Variants in TRMT11 observed in about 807,000 individuals in gnomAD.
The protein encoded by TRMT11 is tRNA (guanine(10)-N(2))-methyltransferase TRMT11.
In TRMT11, 53 loss-of-function variants were observed where a neutral mutation model predicts 62.8. The ratio of observed to expected loss-of-function variants is 0.84; its 90% CI spans 0.68 to 1.06. TRMT11 has a LOEUF of 1.06. Ranked by LOEUF, TRMT11 falls within the 50% of genes least tolerant of loss-of-function variation. The pLI, the probability that TRMT11 is intolerant of heterozygous loss-of-function variation, is 0.00. For missense variants in TRMT11, 556 were observed against 553.4 expected (o/e 1.00, Z -0.05); for synonymous variants, 188 against 190.3 (o/e 0.99, Z 0.10).
chr6:126,039,026 C>T lies in TRMT11; in HGVS notation c.*190C>T, dbSNP rs1309774486. ...ATAGACTTTTTTGTTGTATGTATTACAGTCTTTATAATCTTATTTAATGTA... is the reference window on the plus strand; with the variant it reads ...ATAGACTTTTTTGTTGTATGTATTATAGTCTTTATAATCTTATTTAATGTA... On this transcript the variant is annotated 3_prime_UTR_variant, in exon 13 of 13. Transcript: ENST00000334379. 1.1e-5 allele frequency: 5 copies of T among 473,408 alleles called. No homozygotes were observed. Among genetic ancestry groups the T allele is most frequent in the South Asian group, 3.5e-5 (1 of 28,552 alleles). The allele number at this position is 473,408 out of a possible 1,614,324, so 29.3% of individuals were successfully genotyped here.
intron 17 of TRMT11, among the ~76,000 whole-genome samples, chr6:126,075,037 T>G (rs1228977130): frequency 6.6e-6 from 1 of 152,208 alleles, no homozygotes; most frequent in Non-Finnish European, 1.5e-5. Context: ...AAAAATCATT[T>G]TAACATAAGC....
intron 17 of TRMT11, among the ~76,000 whole-genome samples, chr6:126,108,038 C>T (rs1349659891): frequency 1.3e-5 from 2 of 152,148 alleles, no homozygotes; most frequent in Non-Finnish European, 2.9e-5. Flanking sequence ...ATCTCGTGAG[C>T]AGGAAATGAG....
intron 21 of TRMT11, among the ~76,000 whole-genome samples, chr6:126,161,560 A>C (rs9372834): frequency 0.25 from 38,144 of 152,064 alleles, 5,068 homozygotes; most frequent in African/African-American, 0.31. Flanking sequence ...ATGTGTCTTT[A>C]TATTAGAATG....
At chr6:126,054,690 G>A (rs1469428710) in intron 17 of TRMT11, among the ~76,000 whole-genome samples, 1 of 152,232 alleles carries the variant, frequency 6.6e-6, no homozygotes, top group East Asian at 1.9e-4. Context: ...CAAATGAGCT[G>A]TTGAAGTGTC....
intron 16 of TRMT11, among the ~76,000 whole-genome samples, chr6:126,048,682 T>C (rs886290410): frequency 1.3e-5 from 2 of 152,198 alleles, no homozygotes; most frequent in Non-Finnish European, 2.9e-5. Flanking sequence ...AAGTACTTGA[T>C]GTTTCTGATG....
downstream of TRMT11, among the ~76,000 whole-genome samples, chr6:126,206,009 A>C (rs1346922363): frequency 2.0e-5 from 3 of 152,140 alleles, no homozygotes; most frequent in African/African-American, 7.2e-5. Flanking sequence ...TATGGCTGCC[A>C]AAGCTACTGC....
intron 1 of TRMT11, among the ~76,000 whole-genome samples, chr6:126,195,768 G>A (rs1002842822): frequency 2.6e-5 from 4 of 152,176 alleles, no homozygotes; most frequent in Non-Finnish European, 5.9e-5. Context: ...GGCTTAGGCA[G>A]GTGATGCAAT....
At chr6:126,220,479 C>A in the TRMT11 span, among the ~76,000 whole-genome samples, 1 of 152,146 alleles carries the variant, frequency 6.6e-6, no homozygotes, top group Non-Finnish European at 1.5e-5. Context: ...TTAACCATGT[C>A]TCTGTTATTG....
At chr6:126,062,783 G>A (rs892853783) in intron 17 of TRMT11, among the ~76,000 whole-genome samples, 1 of 152,096 alleles carries the variant, frequency 6.6e-6, no homozygotes, top group South Asian at 2.1e-4. Flanking sequence ...TTTTTTATTA[G>A]TGAATGTAAA....
At chr6:126,028,282 C>A (rs1457273500) in intron 12 of TRMT11, among the ~76,000 whole-genome samples, 8 of 152,126 alleles carry the variant, frequency 5.3e-5, no homozygotes, top group African/African-American at 1.9e-4. Flanking sequence ...AGGTAATAAC[C>A]TCATTTATTG....
chr6:126,115,989 T>C (rs1348260282), intron 21 of TRMT11, among the ~76,000 whole-genome samples: 3 of 151,412 alleles, frequency 2.0e-5, no homozygotes, highest in Non-Finnish European at 2.9e-5. Flanking sequence ...TAATCCCTTG[T>C]GCTTATTAAT....
At chr6:126,033,793 G>A (rs1774666864) in intron 12 of TRMT11, among the ~76,000 whole-genome samples, 1 of 152,128 alleles carries the variant, frequency 6.6e-6, no homozygotes, top group Non-Finnish European at 1.5e-5. Context: ...GTACTCTAAA[G>A]AAGGATTGCT....
chr6:126,149,921 A>G (rs777026719), intron 21 of TRMT11, among the ~76,000 whole-genome samples: 11 of 152,202 alleles, frequency 7.2e-5, no homozygotes, highest in Non-Finnish European at 1.6e-4. Context: ...TATATTTTGT[A>G]GTTTTCACTT....
At chr6:126,091,215 A>T (rs1175704179) in intron 17 of TRMT11, among the ~76,000 whole-genome samples, 1 of 152,078 alleles carries the variant, frequency 6.6e-6, no homozygotes, top group African/African-American at 2.4e-5. Context: ...AAAAAAAAAA[A>T]AAAAATTTAG....
At chr6:126,257,799 G>A in the TRMT11 span, 3 of 686,434 alleles carry the variant, frequency 4.4e-6, no homozygotes, top group East Asian at 5.7e-5. Context: ...AACGAAGGGG[G>A]CAGGGGAAGA....
intron 21 of TRMT11, among the ~76,000 whole-genome samples, chr6:126,145,001 C>T (rs1777958535): frequency 6.6e-6 from 1 of 152,102 alleles, no homozygotes; most frequent in Non-Finnish European, 1.5e-5. Flanking sequence ...GATCTCCATC[C>T]TACTTTTTAA....
Position 126,192,822 on chromosome 6 carries a change from T to C in TRMT11, n.144-5977T>C, listed in dbSNP as rs954830813. Among the ~76,000 whole-genome samples, 3 of 152,202 alleles carry C rather than the reference T, an allele frequency of 2.0e-5. No homozygotes were observed. In the South Asian group the frequency reaches 6.2e-4, roughly 31 times the overall value. On this transcript the variant is annotated intron_variant and non_coding_transcript_variant, in intron 1 of 3. Coordinates refer to the TRMT11 transcript ENST00000444229. ...TGATCATGGTAAATTATCTCATTAA[T>C]GTGTTTGCTAATATTTTGTTGAGAA...
chr6:126,105,374 C>T (rs1777451856), intron 17 of TRMT11, among the ~76,000 whole-genome samples: 1 of 152,138 alleles, frequency 6.6e-6, no homozygotes. Context: ...TATGAACCTA[C>T]AATATTGCAA....
intron 21 of TRMT11, among the ~76,000 whole-genome samples, chr6:126,122,056 G>C (rs539318275): frequency 2.6e-5 from 4 of 152,072 alleles, no homozygotes; most frequent in Admixed American, 6.6e-5. Flanking sequence ...TCTTGTGATA[G>C]TGAATAAGTC....
Sources: allele counts gnomAD v4.1 joint callset (sites outside exome capture counted in the v4.1 genomes callset), GRCh38; gene constraint gnomAD v4.1.1; transcripts MANE v1.5; gene names NCBI Gene and HGNC (gene_info 2026-07-23, HGNC 2026-07-21).